Variants in C1QTNF9B observed in about 807,000 individuals in gnomAD.
C1QTNF9B encodes complement C1q and tumor necrosis factor-related protein 9B.
Under a neutral mutation model 10.1 loss-of-function variants are expected in C1QTNF9B, and 9 were observed. That is an observed-to-expected ratio of 0.89 (90% CI 0.53 to 1.55). The LOEUF (loss-of-function observed/expected upper bound fraction) is 1.55. Among genes scored for constraint, C1QTNF9B ranks in the 40% most tolerant of loss-of-function variants. The pLI is 0.00. For missense variants in C1QTNF9B, 196 were observed against 414.4 expected (o/e 0.47, Z 4.58); for synonymous variants, 79 against 159.9 (o/e 0.49, Z 3.82).
chr13:23,895,250 A>C (rs538525959), intron 1 of C1QTNF9B, among the ~76,000 whole-genome samples: 26 of 151,548 alleles, frequency 1.7e-4, no homozygotes, highest in Non-Finnish European at 3.2e-4. Context: ...CATTCTCTAG[A>C]GCAGTGGCCT....
At chr13:23,891,637 A>C (rs1421704953) in exon 3 of C1QTNF9B, 1 of 1,613,640 alleles carries the variant, frequency 6.2e-7, no homozygotes, top group South Asian at 1.1e-5. Flanking sequence ...TAATGGGCAC[A>C]TCTGAAGAAG....
intron 2 of C1QTNF9B, among the ~76,000 whole-genome samples, chr13:23,892,878 C>A (rs1023754216): frequency 6.6e-6 from 1 of 152,206 alleles, no homozygotes; most frequent in Admixed American, 6.5e-5. Context: ...GATTAACTGA[C>A]ACTCAACCCT....
At chr13:23,896,120 C>G (rs1190935547) in intron 1 of C1QTNF9B, among the ~76,000 whole-genome samples, 1 of 152,240 alleles carries the variant, frequency 6.6e-6, no homozygotes, top group Non-Finnish European at 1.5e-5. Flanking sequence ...GAACTGTGCT[C>G]TTAACCCAGT....
At chr13:23,895,123 G>A (rs4067968) in intron 1 of C1QTNF9B, among the ~76,000 whole-genome samples, 51,123 of 151,492 alleles carry the variant, frequency 0.34, 8,990 homozygotes, top group East Asian at 0.45. Flanking sequence ...GAATGGAGGG[G>A]GCTTATCCCT....
chr13:23,891,227 G>A (rs1227185035), exon 3 of C1QTNF9B: 4 of 1,375,852 alleles, frequency 2.9e-6, no homozygotes, highest in Non-Finnish European at 3.9e-6. Context: ...AAAACCATCT[G>A]AATAAGTTCA....
In C1QTNF9B at chr13:23,891,827, C is replaced by T. The variant is rs143154032; in HGVS notation, c.464G>A (p.Gly155Asp). 218 of 1,612,814 alleles carry T rather than the reference C, an allele frequency of 1.4e-4. No homozygotes were observed. The African/African-American group carries it at 2.5e-3, about 18-fold the overall frequency. ...CTTGGGACCAGGCTTTCCAATAGGG[C>T]CCATGGGGCCCGGTAAACCAGTTGG... The change falls in exon 3 of 3, where the codon GGC becomes GAC. Residue 155 changes from glycine (G) to aspartate (D), a missense_variant. By Grantham distance (94) the Gly-to-Asp change is moderately conservative (BLOSUM62 -1). Around this residue, in one of 5 missense-constraint regions of C1QTNF9B, gnomAD observed 48 missense variants for 148.5 expected, o/e 0.32. Transcript: ENST00000382137.
intron 1 of C1QTNF9B, 24 bp from the exon 4 acceptor site, chr13:23,894,225 G>C (rs760859703): frequency 1.4e-6 from 2 of 1,464,612 alleles, no homozygotes. Flanking sequence ...CAGAAAACAG[G>C]CATGAGTTGA....
At chr13:23,895,341 T>C (rs1819979988) in intron 1 of C1QTNF9B, among the ~76,000 whole-genome samples, 1 of 152,124 alleles carries the variant, frequency 6.6e-6, no homozygotes, top group Non-Finnish European at 1.5e-5. Flanking sequence ...TGTTTCTACA[T>C]TATGCACAGG....
At chr13:23,891,465 T>C in exon 3 of C1QTNF9B, 1 of 1,581,738 alleles carries the variant, frequency 6.3e-7, no homozygotes, top group Non-Finnish European at 8.7e-7. Flanking sequence ...GCATCTCTGG[T>C]GTGCAGTATT....
chr13:23,897,169 T>C, upstream of C1QTNF9B: 1 of 697,090 alleles, frequency 1.4e-6, no homozygotes. Context: ...AAGCTGGTTA[T>C]TACCAGGATG....
At chr13:23,894,549 C>CGTG (rs1872132698) in intron 1 of C1QTNF9B, 1 of 548,466 alleles carries the variant, frequency 1.8e-6, no homozygotes, top group South Asian at 1.5e-5. Context: ...GGACTTGGGA[C>CGTG]GTGGTCTGAA....
exon 3 of C1QTNF9B, chr13:23,891,557 A>G: frequency 6.2e-7 from 1 of 1,606,720 alleles, no homozygotes; most frequent in Non-Finnish European, 8.5e-7. Context: ...GACCCCAGCA[A>G]TGTGGCACGT....
rs763054252 is a variant in C1QTNF9B, at chr13:23,891,451, G to A, written c.840C>T (p.Tyr280=). 2.3e-5 allele frequency: 36 copies of A among 1,581,830 alleles called. 1 individual carries two copies. In the East Asian group the frequency reaches 3.3e-4, roughly 15 times the overall value. Residue 280 remains tyrosine, a synonymous_variant, in exon 3 of 3, where the codon TAC becomes TAT. Transcript: ENST00000382137. Reference sequence around the variant, plus strand: ...CAGAGGCCTGGTCCTCAGAGCTCACGTAAGCATCTCTGGTGTGCAGTATTT... The same window carrying A: ...CAGAGGCCTGGTCCTCAGAGCTCACATAAGCATCTCTGGTGTGCAGTATTT...
chr13:23,894,968 G>A (rs1593222108), intron 1 of C1QTNF9B, among the ~76,000 whole-genome samples: 4 of 152,224 alleles, frequency 2.6e-5, no homozygotes, highest in African/African-American at 4.8e-5. Flanking sequence ...ACCCACTGAC[G>A]TGGCTGTGGG....
intron 2 of C1QTNF9B, among the ~76,000 whole-genome samples, chr13:23,893,669 T>A (rs1027426456): frequency 8.5e-5 from 13 of 152,176 alleles, no homozygotes; most frequent in African/African-American, 3.1e-4. Context: ...AAAGTCTTAC[T>A]ATGTTGCCCA....
At chr13:23,896,013 C>G (rs535173069) in intron 1 of C1QTNF9B, among the ~76,000 whole-genome samples, 1 of 152,318 alleles carries the variant, frequency 6.6e-6, no homozygotes, top group Admixed American at 6.5e-5. Context: ...AAAAAACTAT[C>G]AGGCCACCAA....
upstream of C1QTNF9B, chr13:23,897,111 C>A (rs370628710): frequency 7.3e-7 from 1 of 1,366,226 alleles, no homozygotes; most frequent in Non-Finnish European, 1.0e-6. Flanking sequence ...TCCCCTGCCC[C>A]AGACCCACAC....
At chr13:23,897,168 A>G, upstream of C1QTNF9B, 1 of 695,602 alleles carries the variant, frequency 1.4e-6, no homozygotes. Flanking sequence ...CAAGCTGGTT[A>G]TTACCAGGAT....
At chr13:23,894,684 A>C (rs1245646151) in intron 1 of C1QTNF9B, 1 of 455,648 alleles carries the variant, frequency 2.2e-6, no homozygotes, top group Non-Finnish European at 4.4e-6. Flanking sequence ...ACACTATCCC[A>C]AGATAGAAGA....
Sources: gnomAD v4.1 joint callset for allele counts (sites outside exome capture counted in the v4.1 genomes callset) on GRCh38, gnomAD v4.1.1 for gene constraint, gnomAD v4.1.1 regional missense constraint, MANE v1.5 for transcripts, NCBI Gene and HGNC (gene_info 2026-07-23, HGNC 2026-07-21) for gene names.